Variants in GPR137B observed in about 807,000 individuals in gnomAD.
The protein encoded by GPR137B is G protein-coupled receptor 137B, also known as integral membrane protein GPR137B.
Under a neutral mutation model 42.5 loss-of-function variants are expected in GPR137B, and 42 were observed. The observed-to-expected ratio is 0.99, with a 90% CI of 0.77 to 1.28. GPR137B has a LOEUF of 1.28. Among genes scored for constraint, GPR137B ranks in the 50% most tolerant of loss-of-function variants. The pLI, the probability that GPR137B is intolerant of heterozygous loss-of-function variation, is 0.00. For missense variants in GPR137B, 487 were observed against 493.9 expected, an observed-to-expected ratio of 0.99 and a Z score of 0.13; for synonymous variants, 218 against 209.7, an observed-to-expected ratio of 1.04 and a Z score of -0.34.
chr1:236,152,225 G>A (rs928500627), intron 1 of GPR137B, among the ~76,000 whole-genome samples: 2 of 152,008 alleles, frequency 1.3e-5, no homozygotes, highest in African/African-American at 2.4e-5. Flanking sequence ...ACTTTGGGAG[G>A]ACGAGGCAGG....
intron 1 of GPR137B, among the ~76,000 whole-genome samples, chr1:236,143,814 T>C (rs999487144): frequency 6.6e-6 from 1 of 152,238 alleles, no homozygotes; most frequent in East Asian, 1.9e-4. Context: ...GCTTTACTGC[T>C]GATGGTTGAC....
chr1:236,207,968 T>C, intron 6 of GPR137B, 82 bp from the exon 7 acceptor site: 1 of 970,088 alleles, frequency 1.0e-6, no homozygotes, highest in Non-Finnish European at 1.6e-6. Context: ...CACAAAAATC[T>C]CAGCTCTGTC....
intron 5 of GPR137B, among the ~76,000 whole-genome samples, chr1:236,195,739 C>T (rs1663314402): frequency 6.6e-6 from 1 of 152,114 alleles, no homozygotes; most frequent in South Asian, 2.1e-4. Flanking sequence ...TCAAGGGTTC[C>T]CTTTTCTCCA....
At chr1:236,182,642 G>T (rs1007222647) in intron 4 of GPR137B, among the ~76,000 whole-genome samples, 17 of 152,090 alleles carry the variant, frequency 1.1e-4, no homozygotes, top group Non-Finnish European at 2.4e-4. Flanking sequence ...TAGCTGCTTG[G>T]AGGGATCACT....
intron 5 of GPR137B, among the ~76,000 whole-genome samples, chr1:236,186,926 C>T (rs572050096): frequency 1.3e-4 from 20 of 152,332 alleles, no homozygotes; most frequent in South Asian, 6.2e-4. Context: ...AATTGCCACA[C>T]TGTCTTCCAC....
At chr1:236,161,896 G>T (rs1051427708) in intron 1 of GPR137B, among the ~76,000 whole-genome samples, 1 of 152,116 alleles carries the variant, frequency 6.6e-6, no homozygotes, top group African/African-American at 2.4e-5. Flanking sequence ...TATCAGCAGT[G>T]TGAAAATGGA....
At chr1:236,178,785 G>GGTTTTTTTTTTTTTTTTTTTTTT (rs1662771288) in intron 3 of GPR137B, 149 bp downstream of exon 3, 2 of 48,312 alleles carry the variant, frequency 4.1e-5, no homozygotes, top group African/African-American at 1.3e-4. Context: ...GCTACTCGAG[G>GGTTTTTTTTTTTTTTTTTTTTTT]TTTTTTTTTT....
intron 5 of GPR137B, among the ~76,000 whole-genome samples, chr1:236,185,056 C>T (rs1370614089): frequency 1.3e-5 from 2 of 152,262 alleles, no homozygotes; most frequent in East Asian, 1.9e-4. Flanking sequence ...CGTGGGCCAC[C>T]GCACCCGTCT....
intron 5 of GPR137B, among the ~76,000 whole-genome samples, chr1:236,200,329 T>C (rs1663456112): frequency 6.6e-6 from 1 of 152,046 alleles, no homozygotes; most frequent in Non-Finnish European, 1.5e-5. Context: ...ATTCTGCAGT[T>C]GTTGGGTAGA....
chr1:236,193,601 G>A (rs1004440779), intron 5 of GPR137B, among the ~76,000 whole-genome samples: 9 of 152,090 alleles, frequency 5.9e-5, no homozygotes, highest in Non-Finnish European at 8.8e-5. Flanking sequence ...GGCTTCTGAT[G>A]TATATTTCTC....
Position 236,150,953 on chromosome 1 carries a change from G to A in GPR137B, c.414+7917G>A, listed in dbSNP as rs931663446. Among the ~76,000 whole-genome samples, 2 of 152,196 alleles carry A rather than the reference G, an allele frequency of 1.3e-5. No homozygotes were observed. Among genetic ancestry groups the A allele is most frequent in the African/African-American group, 4.8e-5 (2 of 41,452 alleles). The stretch of plus-strand genomic sequence containing the variant: ...GAGGGCAGGGGTCATGACAGTGAGG[G>A]GTGGGCTGCCCAGAGAGGAACATTT... On this transcript the variant is annotated intron_variant, in intron 1 of 6. Transcript: ENST00000366592. The surrounding 1 kb of genome is among the most constrained non-coding windows in gnomAD (Gnocchi z 6.2).
intron 4 of GPR137B, among the ~76,000 whole-genome samples, chr1:236,180,528 G>C (rs952879606): frequency 6.6e-6 from 1 of 151,954 alleles, no homozygotes; most frequent in Admixed American, 6.6e-5. Flanking sequence ...TCCCTTTTGA[G>C]AAAACCAGGA....
At chr1:236,166,464 AATATATACATTATATATATTT>A (rs1247923729) in intron 1 of GPR137B, among the ~76,000 whole-genome samples, 2 of 127,594 alleles carry the variant, frequency 1.6e-5, no homozygotes, top group Non-Finnish European at 3.0e-5. Context: ...ATGTATATTA[AATATATACATTATATATATTT>A]ATATATACAT....
At chr1:236,175,971 G>C (rs944019934) in intron 2 of GPR137B, among the ~76,000 whole-genome samples, 1 of 152,180 alleles carries the variant, frequency 6.6e-6, no homozygotes, top group African/African-American at 2.4e-5. Flanking sequence ...GTGTTCCATA[G>C]TGCAAGATGA....
intron 1 of GPR137B, among the ~76,000 whole-genome samples, chr1:236,151,941 T>C (rs1661879637): frequency 2.0e-5 from 3 of 152,112 alleles, no homozygotes; most frequent in South Asian, 2.1e-4. Context: ...GGTCCATTTT[T>C]AGTGCATGAG....
chr1:236,173,415 A>G (rs7416727), intron 2 of GPR137B, among the ~76,000 whole-genome samples: 69 of 59,040 alleles, frequency 1.2e-3, no homozygotes, highest in East Asian at 9.9e-3. Flanking sequence ...AGAGAGAGAG[A>G]GAGGAAGGAG....
intron 1 of GPR137B, among the ~76,000 whole-genome samples, chr1:236,159,306 C>T (rs999554616): frequency 6.6e-6 from 1 of 151,806 alleles, no homozygotes; most frequent in Non-Finnish European, 1.5e-5. Context: ...AGCAAGACCC[C>T]GCCTCTTAAA....
rs1468765710 is a variant in GPR137B at position 236,156,270 on chromosome 1, G to A, written c.415-12436G>A. On this transcript the variant is annotated intron_variant, in intron 1 of 6. Transcript: ENST00000366592. The surrounding 1 kb of genome is among the most constrained non-coding windows in gnomAD (Gnocchi z 4.8). ...TGCTTGCCAAAGTCAAAGGTGGGAGGTGATGCGGTGAACACCTGACCATGT... is the reference window on the plus strand; with the variant it reads ...TGCTTGCCAAAGTCAAAGGTGGGAGATGATGCGGTGAACACCTGACCATGT... Among the ~76,000 whole-genome samples, 2 of 152,212 alleles carry A rather than the reference G, an allele frequency of 1.3e-5. No individual in the cohort carries two copies. Among genetic ancestry groups the A allele is most frequent in the Non-Finnish European group, 2.9e-5 (2 of 68,038 alleles).
At chr1:236,147,753 A>G (rs1243466113) in intron 1 of GPR137B, among the ~76,000 whole-genome samples, 4 of 152,152 alleles carry the variant, frequency 2.6e-5, no homozygotes, top group East Asian at 3.9e-4. Context: ...TTCCTGCCCA[A>G]TCCCTGTGAG....
Sources: gnomAD v4.1 joint callset for allele counts (sites outside exome capture counted in the v4.1 genomes callset) on GRCh38, gnomAD v4.1.1 for gene constraint, Gnocchi (gnomAD v3.1) non-coding constraint, MANE v1.5 for transcripts, NCBI Gene and HGNC (gene_info 2026-07-23, HGNC 2026-07-21) for gene names.